RABGAP1L: variants seen among roughly 807,000 people sequenced by gnomAD.
RABGAP1L encodes the protein rab GTPase-activating protein 1-like.
A neutral mutation model predicts 137.7 loss-of-function variants in RABGAP1L; 63 were observed. The observed-to-expected ratio is 0.46, with a 90% CI of 0.37 to 0.56. The LOEUF (loss-of-function observed/expected upper bound fraction) is 0.56. Among genes scored for constraint, RABGAP1L ranks in the 20% least tolerant of loss-of-function variants. The probability of loss-of-function intolerance (pLI) is 0.00; values close to 1 mark genes in which losing one functional copy is unlikely to be tolerated. For missense variants in RABGAP1L, 1,095 were observed against 1,244.0 expected, an observed-to-expected ratio of 0.88 and a Z score of 1.80; for synonymous variants, 431 against 433.7, an observed-to-expected ratio of 0.99 and a Z score of 0.08.
At chr1:174,615,126 T>C (rs1023581894) in intron 13 of RABGAP1L, among the ~76,000 whole-genome samples, 4 of 152,276 alleles carry the variant, frequency 2.6e-5, no homozygotes, top group African/African-American at 9.6e-5. Context: ...GGTGAGGAAC[T>C]GCGTTCCTTT....
chr1:174,551,687 A>G (rs1666556929), intron 13 of RABGAP1L, among the ~76,000 whole-genome samples: 1 of 152,130 alleles, frequency 6.6e-6, no homozygotes, highest in Admixed American at 6.5e-5. Flanking sequence ...AATGAAGACA[A>G]AAACAGAAAT....
At chr1:174,623,481 A>C (rs1275389114) in intron 13 of RABGAP1L, among the ~76,000 whole-genome samples, 9 of 152,232 alleles carry the variant, frequency 5.9e-5, no homozygotes, top group Non-Finnish European at 1.0e-4. Flanking sequence ...TTACAACTAT[A>C]GAATAGAGAT....
chr1:174,792,837 A>G (rs1274059794), intron 18 of RABGAP1L, among the ~76,000 whole-genome samples: 1 of 152,218 alleles, frequency 6.6e-6, no homozygotes, highest in African/African-American at 2.4e-5. Context: ...CAATAATGAC[A>G]CAGAAGTAGA....
intron 13 of RABGAP1L, among the ~76,000 whole-genome samples, chr1:174,442,251 A>ATATTC (rs59942569): frequency 2.0e-5 from 3 of 151,166 alleles, no homozygotes; most frequent in Admixed American, 6.6e-5. Flanking sequence ...GTACTAGAGA[A>ATATTC]TATCTGATTT....
intron 1 of RABGAP1L, among the ~76,000 whole-genome samples, chr1:174,186,661 C>G (rs1006544612): frequency 2.0e-5 from 3 of 152,100 alleles, no homozygotes; most frequent in Non-Finnish European, 2.9e-5. Context: ...AGTTCTACAT[C>G]TGCTAGTATG....
intron 11 of RABGAP1L, among the ~76,000 whole-genome samples, chr1:174,309,588 T>G (rs1295462773): frequency 6.6e-6 from 1 of 152,120 alleles, no homozygotes; most frequent in Non-Finnish European, 1.5e-5. Context: ...GTCAAATGCT[T>G]CTTCTGTATT....
rs561002157 is a variant in RABGAP1L at position 174,599,946 on chromosome 1, T to C, written c.1711-37429T>C. 4.5e-4 allele frequency among the ~76,000 whole-genome samples: 69 copies of C among 152,260 alleles called. 1 individual carries two copies. The highest frequency in any genetic ancestry group is 4.1e-3 in the Admixed American group (62 of 15,286). ...CTGGTCTACCTCTCACTACCTCCTC[T>C]TTAAGGCCCCATGTATTAGTCTGTT... On this transcript the variant is annotated intron_variant, in intron 13 of 25. Coordinates refer to ENST00000681986, the MANE Select transcript of RABGAP1L (RefSeq NM_001366446.1).
intron 13 of RABGAP1L, among the ~76,000 whole-genome samples, chr1:174,543,819 G>A (rs948538564): frequency 6.6e-6 from 1 of 152,110 alleles, no homozygotes; most frequent in Non-Finnish European, 1.5e-5. Context: ...GCATTTGCTT[G>A]TCTGTAAAGG....
At chr1:174,918,323 T>C (rs753093128) in intron 19 of RABGAP1L, among the ~76,000 whole-genome samples, 5 of 152,238 alleles carry the variant, frequency 3.3e-5, no homozygotes, top group Non-Finnish European at 7.3e-5. Flanking sequence ...TTATCTATAA[T>C]GTATATATTT....
intron 19 of RABGAP1L, among the ~76,000 whole-genome samples, chr1:174,817,913 G>T (rs1261339810): frequency 6.6e-6 from 1 of 152,134 alleles, no homozygotes; most frequent in African/African-American, 2.4e-5. Context: ...GAGAGCCAGC[G>T]ATAGCACTTA....
chr1:174,452,228 T>C (rs1001010385), intron 13 of RABGAP1L, among the ~76,000 whole-genome samples: 1 of 152,196 alleles, frequency 6.6e-6, no homozygotes, highest in Non-Finnish European at 1.5e-5. Flanking sequence ...CAAAAAACAA[T>C]GCATTCTGTA....
At chr1:174,705,442 GT>G (rs1679977847) in intron 17 of RABGAP1L, 1 of 152,142 alleles carries the variant, frequency 6.6e-6, no homozygotes, top group African/African-American at 2.4e-5. Flanking sequence ...TACAATCAGT[GT>G]TTGAAAGGTC....
intron 13 of RABGAP1L, among the ~76,000 whole-genome samples, chr1:174,495,085 C>T (rs967542423): frequency 1.3e-5 from 2 of 152,130 alleles, no homozygotes; most frequent in African/African-American, 4.8e-5. Context: ...GCATGTAGTA[C>T]TCTGCAGCCT....
At chr1:174,930,266 C>G (rs920333733) in intron 19 of RABGAP1L, among the ~76,000 whole-genome samples, 3 of 151,954 alleles carry the variant, frequency 2.0e-5, no homozygotes, top group Admixed American at 6.6e-5. Flanking sequence ...AGCAATCCTC[C>G]TGCCTCAGCC....
chr1:174,866,147 GAGAGAGAGA>G (rs1651196015), intron 19 of RABGAP1L, among the ~76,000 whole-genome samples: 1 of 149,338 alleles, frequency 6.7e-6, no homozygotes, highest in Admixed American at 6.7e-5. Flanking sequence ...GAGAGAGAGA[GAGAGAGAGA>G]GAGAGAGATG....
intron 17 of RABGAP1L, among the ~76,000 whole-genome samples, chr1:174,721,847 C>G (rs1035318531): frequency 1.3e-5 from 2 of 152,182 alleles, no homozygotes; most frequent in African/African-American, 4.8e-5. Flanking sequence ...TCTAAAATTA[C>G]TCCTTTTTCT....
intron 13 of RABGAP1L, among the ~76,000 whole-genome samples, chr1:174,454,846 C>T (rs983937106): frequency 1.9e-4 from 29 of 151,964 alleles, no homozygotes; most frequent in African/African-American, 6.0e-4. Context: ...GCGACCGCCC[C>T]GGCCCACTGT....
intron 12 of RABGAP1L, among the ~76,000 whole-genome samples, chr1:174,380,506 T>C (rs1686032920): frequency 6.6e-6 from 1 of 151,892 alleles, no homozygotes; most frequent in Admixed American, 6.6e-5. Context: ...TTCTTCCTGG[T>C]TTAGTCTTGG....
At chr1:174,539,570 G>T (rs1004127752) in intron 13 of RABGAP1L, among the ~76,000 whole-genome samples, 1 of 152,106 alleles carries the variant, frequency 6.6e-6, no homozygotes, top group East Asian at 1.9e-4. Flanking sequence ...GTGATAGTTT[G>T]CTCAGAATGA....
Sources: allele counts gnomAD v4.1 joint callset (sites outside exome capture counted in the v4.1 genomes callset), GRCh38; gene constraint gnomAD v4.1.1; transcripts MANE v1.5; gene names NCBI Gene and HGNC (gene_info 2026-07-23, HGNC 2026-07-21).